Variants in QTMAN observed in about 807,000 individuals in gnomAD.
QTMAN encodes tRNA-queuosine alpha-mannosyltransferase.
the QTMAN span, among the ~76,000 whole-genome samples, chr2:144,081,716 T>C: frequency 1.3e-5 from 2 of 152,082 alleles, no homozygotes; most frequent in African/African-American, 2.4e-5. Flanking sequence ...ACAGCTACTG[T>C]TGGGAATCTG....
chr2:144,214,184 C>T, the QTMAN span, among the ~76,000 whole-genome samples: 1 of 151,986 alleles, frequency 6.6e-6, no homozygotes, highest in African/African-American at 2.4e-5. Flanking sequence ...AAACAACTTT[C>T]CTCAAAGTAA....
At chr2:144,188,254 A>T in the QTMAN span, among the ~76,000 whole-genome samples, 1 of 152,236 alleles carries the variant, frequency 6.6e-6, no homozygotes, top group East Asian at 1.9e-4. Flanking sequence ...CTCTTAGTGA[A>T]ACTAAAAGAC....
At chr2:144,035,522 A>G in the QTMAN span, among the ~76,000 whole-genome samples, 1 of 152,214 alleles carries the variant, frequency 6.6e-6, no homozygotes, top group Non-Finnish European at 1.5e-5. Context: ...TCAGTGTTAC[A>G]ATTTAAATTT....
the QTMAN span, among the ~76,000 whole-genome samples, chr2:144,061,702 T>C: frequency 1.4e-4 from 22 of 152,114 alleles, no homozygotes; most frequent in Non-Finnish European, 2.9e-5. Flanking sequence ...CCTGGACCCG[T>C]GGCCCTAAAT....
At chr2:144,101,394 T>TCTCTCTCACACACACA in the QTMAN span, among the ~76,000 whole-genome samples, 1,996 of 150,214 alleles carry the variant, frequency 0.013, 67 homozygotes, top group African/African-American at 0.046. Context: ...TATCTCTCTC[T>TCTCTCTCACACACACA]CACACACACA....
At chr2:144,239,007 C>T in the QTMAN span, among the ~76,000 whole-genome samples, 1 of 151,862 alleles carries the variant, frequency 6.6e-6, no homozygotes, top group African/African-American at 2.4e-5. Flanking sequence ...CTTCACACAT[C>T]ATCATCACCC....
At chr2:144,112,023 T>C in the QTMAN span, among the ~76,000 whole-genome samples, 2 of 152,232 alleles carry the variant, frequency 1.3e-5, no homozygotes, top group African/African-American at 4.8e-5. Flanking sequence ...TATTTGTCAA[T>C]TATGTTTAAA....
chr2:144,246,515 G>A, the QTMAN span, among the ~76,000 whole-genome samples: 3 of 147,210 alleles, frequency 2.0e-5, no homozygotes, highest in South Asian at 4.4e-4. Context: ...GGAGCTTGCC[G>A]TGAGCCGAGA....
At chr2:144,152,818 A>C in the QTMAN span, among the ~76,000 whole-genome samples, 1 of 152,226 alleles carries the variant, frequency 6.6e-6, no homozygotes, top group East Asian at 1.9e-4. Flanking sequence ...ATAATTGGTG[A>C]AATAAGCCGT....
the QTMAN span, among the ~76,000 whole-genome samples, chr2:144,253,862 T>C: frequency 6.6e-6 from 1 of 152,194 alleles, no homozygotes; most frequent in East Asian, 1.9e-4. Flanking sequence ...GGGGAAAATG[T>C]CTCCAGGGCA....
At chr2:144,189,786 A>AT in the QTMAN span, among the ~76,000 whole-genome samples, 1 of 151,470 alleles carries the variant, frequency 6.6e-6, no homozygotes, top group Admixed American at 6.6e-5. Flanking sequence ...GGTCTGGCTA[A>AT]TTTTTTTGTA....
the QTMAN span, among the ~76,000 whole-genome samples, chr2:144,194,125 C>T: frequency 6.6e-6 from 1 of 152,038 alleles, no homozygotes. Context: ...TAAAAAAATT[C>T]AGAGCAAATC....
chr2:144,253,121 T>G, the QTMAN span, among the ~76,000 whole-genome samples: 1 of 152,066 alleles, frequency 6.6e-6, no homozygotes, highest in Non-Finnish European at 1.5e-5. Flanking sequence ...TCTAATGGTT[T>G]TATAAGGAGC....
chr2:144,133,150 T>TAA, the QTMAN span, among the ~76,000 whole-genome samples: 36 of 38,484 alleles, frequency 9.4e-4, no homozygotes, highest in African/African-American at 7.4e-3. Flanking sequence ...TATATATATA[T>TAA]AATATAATAT....
the QTMAN span, among the ~76,000 whole-genome samples, chr2:143,982,883 AATAATAG>A: frequency 6.6e-6 from 1 of 151,220 alleles, no homozygotes; most frequent in African/African-American, 2.4e-5. Context: ...AAGAATAGAT[AATAATAG>A]ATAATAGAGA....
the QTMAN span, among the ~76,000 whole-genome samples, chr2:144,322,154 C>T: frequency 1.3e-5 from 2 of 152,144 alleles, no homozygotes; most frequent in Non-Finnish European, 2.9e-5. Context: ...CAAAGGAATA[C>T]CCAAATGATT....
chr2:144,032,576 G>A, the QTMAN span, among the ~76,000 whole-genome samples: 1 of 152,154 alleles, frequency 6.6e-6, no homozygotes, highest in Admixed American at 6.5e-5. Context: ...AAGTGGTGGT[G>A]GTATTTGTTG....
At chr2:144,012,019 T>C in the QTMAN span, among the ~76,000 whole-genome samples, 1 of 152,160 alleles carries the variant, frequency 6.6e-6, no homozygotes, top group Non-Finnish European at 1.5e-5. Context: ...TTTCTAACTT[T>C]AGAAATATTC....
the QTMAN span, among the ~76,000 whole-genome samples, chr2:144,252,798 A>C: frequency 3.9e-3 from 590 of 152,330 alleles, 3 homozygotes; most frequent in Middle Eastern, 0.054. Context: ...CTGCATGCAA[A>C]TGTTTATATC....
Sources: allele counts gnomAD v4.1 joint callset (sites outside exome capture counted in the v4.1 genomes callset), GRCh38; gene constraint gnomAD v4.1.1; transcripts MANE v1.5; gene names NCBI Gene and HGNC (gene_info 2026-07-23, HGNC 2026-07-21).